WDR45B: variants seen among roughly 807,000 people sequenced by gnomAD.
The protein encoded by WDR45B is WD repeat domain 45B, also known as WD repeat domain phosphoinositide-interacting protein 3.
WDR45B carries 20 observed loss-of-function variants against 44.6 expected under a neutral mutation model. The ratio of observed to expected loss-of-function variants is 0.45; its 90% CI spans 0.32 to 0.65. WDR45B has a LOEUF of 0.65. Ranked by LOEUF, WDR45B falls within the 30% of genes least tolerant of loss-of-function variation. The pLI is 0.05. For missense variants in WDR45B, 323 were observed against 430.2 expected (o/e 0.75, Z 2.20); for synonymous variants, 169 against 164.9 (o/e 1.02, Z -0.19).
intron 2 of WDR45B, among the ~76,000 whole-genome samples, chr17:82,635,724 T>A (rs2045824362): frequency 6.6e-6 from 1 of 151,974 alleles, no homozygotes; most frequent in African/African-American, 2.4e-5. Flanking sequence ...TGCGCAGCCG[T>A]CTTTTCAAGT....
intron 7 of WDR45B, 152 bp from the exon 8 acceptor site, chr17:82,617,549 C>CA (rs2045553353): frequency 1.3e-6 from 1 of 742,062 alleles, no homozygotes; most frequent in Admixed American, 2.0e-5. Context: ...AACAAGCCGA[C>CA]AACCATCCCC....
At chr17:82,626,482 G>A (rs1215696673) in intron 4 of WDR45B, among the ~76,000 whole-genome samples, 1 of 136,644 alleles carries the variant, frequency 7.3e-6, no homozygotes, top group Non-Finnish European at 1.5e-5. Context: ...ACAGTGAACT[G>A]AGATTGTGCC....
intron 4 of WDR45B, chr17:82,626,965 G>A: frequency 1.8e-6 from 1 of 558,878 alleles, no homozygotes; most frequent in Non-Finnish European, 3.2e-6. Flanking sequence ...GTCCACTGTG[G>A]CGCACGTCAT....
At chr17:82,625,758 T>C in intron 4 of WDR45B, 1 of 470,088 alleles carries the variant, frequency 2.1e-6, no homozygotes, top group Non-Finnish European at 3.9e-6. Flanking sequence ...CATCAAACAC[T>C]CCATCTAGGT....
intron 2 of WDR45B, among the ~76,000 whole-genome samples, chr17:82,639,886 A>AGGT (rs1568015266): frequency 1.8e-3 from 48 of 26,210 alleles, no homozygotes; most frequent in Non-Finnish European, 3.0e-3. Flanking sequence ...GTGGGTCGGG[A>AGGT]GGGCTGCTGG....
intron 4 of WDR45B, chr17:82,626,720 A>C (rs1319518293): frequency 4.8e-6 from 1 of 206,972 alleles, no homozygotes; most frequent in Non-Finnish European, 9.9e-6. Context: ...TACTAGGACA[A>C]ACTTCCATAT....
At chr17:82,644,446 A>G in intron 1 of WDR45B, 1 of 229,522 alleles carries the variant, frequency 4.4e-6, no homozygotes, top group Non-Finnish European at 8.8e-6. Context: ...AGGAACCGGG[A>G]AGGTGAGGAA....
intron 1 of WDR45B, among the ~76,000 whole-genome samples, chr17:82,646,860 G>T (rs1367792366): frequency 6.6e-6 from 1 of 152,308 alleles, no homozygotes; most frequent in African/African-American, 2.4e-5. Context: ...CAACCCTGGG[G>T]AAGCTGGCAG....
At chr17:82,633,067 G>A (rs1450678995) in intron 2 of WDR45B, among the ~76,000 whole-genome samples, 3 of 151,692 alleles carry the variant, frequency 2.0e-5, no homozygotes, top group South Asian at 2.1e-4. Context: ...GGAGTCTGTG[G>A]CAGGAGAATC....
At chr17:82,634,150 C>CAAAAAAAAAAAAAAAAAAAA (rs36183298) in intron 2 of WDR45B, among the ~76,000 whole-genome samples, 12 of 31,908 alleles carry the variant, frequency 3.8e-4, no homozygotes, top group Admixed American at 5.2e-4. Context: ...GACTCCATCT[C>CAAAAAAAAAAAAAAAAAAAA]AAAAAAAAAA....
Position 82,625,578 on chromosome 17 carries a change from T to C in WDR45B, c.333-95A>G, listed in dbSNP as rs572002181. On this transcript the variant is annotated intron_variant, in intron 4 of 9. Transcript: ENST00000392325. Reference sequence around the variant, plus strand: ...TTATCATACTGAAACTGAGAAACACTGAAAATACCACACAGAAAAGGAGTG... The same window carrying C: ...TTATCATACTGAAACTGAGAAACACCGAAAATACCACACAGAAAAGGAGTG... 3.4e-6 allele frequency: 4 copies of C among 1,178,138 alleles called. No homozygotes were observed. The South Asian group carries it at 5.1e-5, about 15-fold the overall frequency. The allele number at this position is 1,178,138 out of a possible 1,614,324, so 73.0% of individuals were successfully genotyped here. A position where few individuals can be genotyped will look rare whatever the true frequency, so the allele number is the denominator to read the frequency against.
intron 6 of WDR45B, among the ~76,000 whole-genome samples, chr17:82,621,381 A>G (rs2045614292): frequency 6.6e-6 from 1 of 152,112 alleles, no homozygotes. Context: ...ATATTTTACA[A>G]GACACTGCTT....
At position 82,648,294 on chromosome 17, in the gene WDR45B, G is replaced by A; in HGVS notation, c.47C>T (p.Ala16Val). ...CNPHGNGLLYAGFNQDHGCFA... is the reference protein window; with the variant it reads ...CNPHGNGLLYVGFNQDHGCFA... ...CTCACCGTGGTCCTGGTTGAAGCCG[G>A]CGTAGAGCAGCCCGTTGCCGTGAGG... Residue 16 changes from alanine (A) to valine (V), a missense_variant, in exon 1 of 10, where the codon GCC (alanine) becomes GTC (valine). Physicochemically the swap from Ala to Val is moderately conservative, Grantham distance 64. Coordinates refer to ENST00000392325, the MANE Select transcript of WDR45B (RefSeq NM_019613.4). 6.2e-7 allele frequency: 1 copy of A among 1,607,062 alleles called. No homozygotes were observed. Among genetic ancestry groups the A allele is most frequent in the Non-Finnish European group, 8.5e-7 (1 of 1,178,130 alleles).
chr17:82,619,576 A>G (rs1217532435), intron 6 of WDR45B, among the ~76,000 whole-genome samples: 1 of 149,922 alleles, frequency 6.7e-6, no homozygotes, highest in Admixed American at 6.7e-5. Flanking sequence ...AAAAAAAAAT[A>G]AAAGGACTTA....
chr17:82,646,204 G>C (rs2045972957), intron 1 of WDR45B, among the ~76,000 whole-genome samples: 1 of 151,240 alleles, frequency 6.6e-6, no homozygotes, highest in Non-Finnish European at 1.5e-5. Flanking sequence ...AAGAAACCTA[G>C]AAACAGCCTG....
rs373125690 is a variant in WDR45B at position 82,646,512 on chromosome 17, ACCC to A, written c.67+1759_67+1761del. Among the ~76,000 whole-genome samples the A allele has an allele frequency of 4.2e-3, 221 of 52,376 alleles. No individual in the cohort carries two copies. The Middle Eastern group carries it at 0.047, about 11-fold the overall frequency. The allele number at this position is 52,376 out of a possible 152,430, so 34.4% of individuals were successfully genotyped here. A position where few individuals can be genotyped will look rare whatever the true frequency, so the allele number is the denominator to read the frequency against. ...TCAAAAAAAAAAAAAAAAAAAAAAAACCCAAAACAAAAAAACAGCTAGAAACAA... is the reference window on the plus strand; with the variant it reads ...TCAAAAAAAAAAAAAAAAAAAAAAAAAAAACAAAAAAACAGCTAGAAACAA... On this transcript the variant is annotated intron_variant, in intron 1 of 9. Coordinates refer to ENST00000392325, the MANE Select transcript of WDR45B (RefSeq NM_019613.4).
At chr17:82,619,560 G>GC (rs1555647714) in intron 6 of WDR45B, among the ~76,000 whole-genome samples, 1 of 108,860 alleles carries the variant, frequency 9.2e-6, no homozygotes, top group African/African-American at 3.5e-5. Flanking sequence ...AAAAGGTGAG[G>GC]CAAAAAAAAA....
At chr17:82,622,863 G>C (rs953941396) in intron 5 of WDR45B, among the ~76,000 whole-genome samples, 2 of 151,280 alleles carry the variant, frequency 1.3e-5, no homozygotes, top group Non-Finnish European at 2.9e-5. Context: ...AAAAAGTCCA[G>C]AAAAAAAACC....
chr17:82,647,414 G>C (rs1230907380), intron 1 of WDR45B, among the ~76,000 whole-genome samples: 1 of 152,122 alleles, frequency 6.6e-6, no homozygotes, highest in African/African-American at 2.4e-5. Flanking sequence ...GGGAGGTGAG[G>C]AGGCAACCAT....
Sources: gnomAD v4.1 joint callset for allele counts (sites outside exome capture counted in the v4.1 genomes callset) on GRCh38, gnomAD v4.1.1 for gene constraint, MANE v1.5 for transcripts, NCBI Gene and HGNC (gene_info 2026-07-23, HGNC 2026-07-21) for gene names.